The following EDRF1 variants were observed in gnomAD, a reference collection of about 807,000 sequenced individuals.
The protein encoded by EDRF1 is erythroid differentiation-related factor 1.
EDRF1 carries 69 observed loss-of-function variants against 148.7 expected under a neutral mutation model. That is an observed-to-expected ratio of 0.46 (90% CI 0.38 to 0.57). The LOEUF is 0.57. EDRF1 is among the 20% of genes least tolerant of loss of function. The pLI, the probability that EDRF1 is intolerant of heterozygous loss-of-function variation, is 0.00. For synonymous variants in EDRF1, 515 were observed against 532.8 expected, an observed-to-expected ratio of 0.97 and a Z score of 0.46; for missense variants, 1,118 against 1,478.7, an observed-to-expected ratio of 0.76 and a Z score of 4.00.
intron 21 of EDRF1, 185 bp from the exon 22 acceptor site, chr10:125,749,227 G>A (rs1302140884): frequency 2.1e-5 from 13 of 628,526 alleles, no homozygotes; most frequent in Middle Eastern, 4.4e-4. Context: ...CAGCCTGGGC[G>A]ACAGAGCGAG....
rs748881280 is a variant in EDRF1, at chr10:125,733,393, G to T, written c.1129-11G>T. On this transcript the variant is annotated splice_polypyrimidine_tract_variant and intron_variant, in intron 9 of 24. Transcript: ENST00000356792. ...CTCTTAAACTGCTTTCCATCTGTCTGTATTTTACAGAAATATGAAATGATA... is the reference window on the plus strand; with the variant it reads ...CTCTTAAACTGCTTTCCATCTGTCTTTATTTTACAGAAATATGAAATGATA... 1.3e-6 allele frequency: 2 copies of T among 1,557,458 alleles called. No individual in the cohort carries two copies. The highest frequency in any genetic ancestry group is 3.7e-5 in the Admixed American group (2 of 53,436).
intron 15 of EDRF1, 97 bp downstream of exon 15, chr10:125,738,542 G>A (rs1270884234): frequency 3.4e-5 from 48 of 1,419,682 alleles, no homozygotes; most frequent in Non-Finnish European, 4.1e-5. Flanking sequence ...TTAATTGAAA[G>A]GCATTGAGAA....
In EDRF1 at chr10:125,738,319, A is replaced by G. The variant is rs1387146701; in HGVS notation, c.1855A>G (p.Ile619Val). ...GGGTTTAAAATCTGTCGATAGCAGC[A>G]TCAAAAAAGAAAGCGACCTTCCAGC... ...LEGLKSVDSS[I>V]KKESDLPAAD... Residue 619 changes from isoleucine (I) to valine (V), a missense_variant, in exon 15 of 25, where the codon ATC becomes GTC. By Grantham distance (29) the Ile-to-Val change is conservative. This residue lies in a region of EDRF1 where 954 missense variants were observed against 1,241.4 expected (regional missense o/e 0.77). Coordinates refer to ENST00000356792, the MANE Select transcript of EDRF1 (RefSeq NM_001202438.2). The G allele has an allele frequency of 1.9e-6, 3 of 1,614,118 alleles. No homozygotes were observed. The highest frequency in any genetic ancestry group is 2.2e-5 in the South Asian group (2 of 91,082).
chr10:125,761,200 T>TA (rs1170647918), intron 24 of EDRF1: 10 of 390,014 alleles, frequency 2.6e-5, no homozygotes, highest in South Asian at 4.1e-5. Context: ...TTTACTTGTT[T>TA]AAAAAAAATT....
intron 9 of EDRF1, 54 bp from the exon 10 acceptor site, chr10:125,733,350 G>A: frequency 7.0e-7 from 1 of 1,425,606 alleles, no homozygotes; most frequent in Non-Finnish European, 9.6e-7. Context: ...AAAGAAAGGT[G>A]TTGTTTCCTT....
chr10:125,749,234 C>T (rs778071789), intron 21 of EDRF1, 178 bp from the exon 22 acceptor site: 24 of 662,290 alleles, frequency 3.6e-5, no homozygotes, highest in African/African-American at 2.8e-4. Flanking sequence ...GGCGACAGAG[C>T]GAGACCCTGT....
rs567788625 is a variant in EDRF1, at chr10:125,719,750, G to A, written c.-58G>A. The A allele has an allele frequency of 7.0e-6, 10 of 1,427,026 alleles. No homozygotes were observed. In the Admixed American group the frequency reaches 1.2e-4, roughly 17 times the overall value. 88.4% of individuals were successfully genotyped at this position (1,427,026 alleles called of 1,614,324 possible). A position where few individuals can be genotyped will look rare whatever the true frequency, so the allele number is the denominator to read the frequency against. ...CTGGCGCTTACCCTGCTTTGGGCCT[G>A]CGTTGCTGCTGCTGCTCCTCCGCTC... On this transcript the variant is annotated 5_prime_UTR_variant, in exon 1 of 25. Transcript: ENST00000356792.
intron 4 of EDRF1, among the ~76,000 whole-genome samples, chr10:125,724,961 C>G (rs1035301059): frequency 1.3e-5 from 2 of 152,192 alleles, no homozygotes; most frequent in Non-Finnish European, 2.9e-5. Flanking sequence ...GGGGATGTGA[C>G]AGTGAACAAA....
intron 14 of EDRF1, 143 bp from the exon 15 acceptor site, chr10:125,738,152 T>G: frequency 7.2e-7 from 1 of 1,386,032 alleles, no homozygotes; most frequent in Non-Finnish European, 1.0e-6. Flanking sequence ...CCCAAATCTT[T>G]CAGATCAAAC....
Position 125,741,533 on chromosome 10 carries a change from G to A in EDRF1, c.2371+332G>A, listed in dbSNP as rs977566270. On this transcript the variant is annotated intron_variant, in intron 17 of 24. Transcript: ENST00000356792. ...TGGGATTACAGGTGTGAGCCACCAC[G>A]CCTGGCCTGCTGTTTTATTCATTTC... 5.5e-5 allele frequency: 19 copies of A among 345,508 alleles called. No individual in the cohort carries two copies. In the East Asian group the frequency reaches 1.1e-3, roughly 20 times the overall value. The allele number at this position is 345,508 out of a possible 1,614,324, so 21.4% of individuals were successfully genotyped here.
At chr10:125,728,847 A>C (rs1848376961) in intron 6 of EDRF1, among the ~76,000 whole-genome samples, 156 bp from the exon 7 acceptor site, 1 of 152,216 alleles carries the variant, frequency 6.6e-6, no homozygotes, top group Non-Finnish European at 1.5e-5. Flanking sequence ...AAAGCAAGCC[A>C]CCCAATGAGG....
chr10:125,761,251 T>G (rs1216428806), intron 24 of EDRF1: 1 of 407,762 alleles, frequency 2.5e-6, no homozygotes, highest in Non-Finnish European at 4.9e-6. Flanking sequence ...TTCATCATCA[T>G]ATGACAACTG....
intron 9 of EDRF1, among the ~76,000 whole-genome samples, chr10:125,730,868 C>T (rs975541138): frequency 1.3e-5 from 2 of 152,136 alleles, no homozygotes; most frequent in Non-Finnish European, 2.9e-5. Context: ...GGAAGCTAGG[C>T]GTGTTGGCTT....
intron 19 of EDRF1, chr10:125,746,905 A>G (rs574221648): frequency 1.6e-4 from 25 of 153,054 alleles, no homozygotes; most frequent in Admixed American, 1.4e-3. Flanking sequence ...CAAAGATATG[A>G]GCACTCATAT....
chr10:125,752,870 G>T lies in EDRF1; in HGVS notation c.3349G>T (p.Ala1117Ser), dbSNP rs17153510. 1 of 1,613,898 alleles carries T rather than the reference G, an allele frequency of 6.2e-7. No individual in the cohort carries two copies. Among genetic ancestry groups the T allele is most frequent in the Non-Finnish European group, 8.5e-7 (1 of 1,179,920 alleles). The change falls in exon 23 of 25, where the codon GCA becomes TCA. Residue 1117 changes from alanine (A) to serine (S), a missense_variant. Transcript: ENST00000356792. Reference protein sequence around the residue: ...ALDIMVRTEHAFQLIQKELIE... With the variant: ...ALDIMVRTEHSFQLIQKELIE... ...TGATATAATGGTGAGAACTGAGCAC[G>T]CATTCCAGCTTATCCAGAAGGAGCT...
Position 125,763,720 on chromosome 10 carries a change from A to G in EDRF1, c.*248A>G. 1.8e-6 allele frequency: 1 copy of G among 544,732 alleles called. No individual in the cohort carries two copies. The highest frequency in any genetic ancestry group is 3.3e-6 in the Non-Finnish European group (1 of 304,212). The allele number at this position is 544,732 out of a possible 1,614,324, so 33.7% of individuals were successfully genotyped here. On this transcript the variant is annotated 3_prime_UTR_variant, in exon 25 of 25. Coordinates refer to ENST00000356792, the MANE Select transcript of EDRF1 (RefSeq NM_001202438.2). The surrounding 1 kb of genome is among the most constrained non-coding windows in gnomAD (Gnocchi z 4.3). ...TTTATGTCTTTGAGAAGTATGTAGT[A>G]CCTCGGTATTAACAGACCTGCTGTG...
intron 15 of EDRF1, among the ~76,000 whole-genome samples, chr10:125,739,674 T>C (rs1346931487): frequency 6.6e-6 from 1 of 152,244 alleles, no homozygotes; most frequent in African/African-American, 2.4e-5. Context: ...AGACTTGTGT[T>C]CTAGCTGATT....
rs929776777 is a variant in EDRF1, at chr10:125,730,415, A to G, written c.1128+16A>G. 2 of 1,593,136 alleles carry G rather than the reference A, an allele frequency of 1.3e-6. No individual in the cohort carries two copies. Among genetic ancestry groups the G allele is most frequent in the Non-Finnish European group, 1.7e-6 (2 of 1,161,040 alleles). ...AATTGTACAGGTAAGATACAGTGTG[A>G]TTTTTCTGATCTCTCAAATGCAAAT... On this transcript the variant is annotated intron_variant, in intron 9 of 24. Coordinates refer to ENST00000356792, the MANE Select transcript of EDRF1 (RefSeq NM_001202438.2).
intron 5 of EDRF1, 34 bp from the exon 6 acceptor site, chr10:125,725,648 A>T: frequency 6.2e-7 from 1 of 1,613,652 alleles, no homozygotes; most frequent in South Asian, 1.1e-5. Context: ...TAACTTTAGT[A>T]ACAGCAATCC....
Sources: gnomAD v4.1 joint callset for allele counts (sites outside exome capture counted in the v4.1 genomes callset) on GRCh38, gnomAD v4.1.1 for gene constraint, gnomAD v4.1.1 regional missense constraint, Gnocchi (gnomAD v3.1) non-coding constraint, MANE v1.5 for transcripts, NCBI Gene and HGNC (gene_info 2026-07-23, HGNC 2026-07-21) for gene names.